The following UNC5C variants were observed in gnomAD, a reference collection of about 807,000 sequenced individuals.
UNC5C encodes netrin receptor UNC5C.
A neutral mutation model predicts 99.8 loss-of-function variants in UNC5C; 47 were observed. The observed-to-expected ratio is 0.47, with a 90% confidence interval of 0.37 to 0.60. UNC5C has a LOEUF of 0.60. Ranked by LOEUF, UNC5C falls within the 20% of genes least tolerant of loss-of-function variation. The pLI is 0.00. For synonymous variants in UNC5C, 487 were observed against 452.2 expected, an observed-to-expected ratio of 1.08 and a Z score of -0.98; for missense variants, 1,062 against 1,165.9, an observed-to-expected ratio of 0.91 and a Z score of 1.30.
intron 1 of UNC5C, among the ~76,000 whole-genome samples, chr4:95,537,853 G>T (rs1282641735): frequency 6.6e-6 from 1 of 151,992 alleles, no homozygotes; most frequent in African/African-American, 2.4e-5. Flanking sequence ...GTTTGGGGTG[G>T]GGGGAGCGTC....
chr4:95,270,730 C>A (rs1740627677), intron 4 of UNC5C, among the ~76,000 whole-genome samples: 1 of 152,080 alleles, frequency 6.6e-6, no homozygotes, highest in Admixed American at 6.6e-5. Flanking sequence ...AATAAAATAA[C>A]CAAAACCTAA....
intron 14 of UNC5C, among the ~76,000 whole-genome samples, chr4:95,175,742 G>C (rs1052637372): frequency 6.6e-6 from 1 of 151,708 alleles, no homozygotes; most frequent in African/African-American, 2.4e-5. Flanking sequence ...TCTTCTTGAG[G>C]AGTATCTTTG....
chr4:95,285,316 G>A (rs1031255898), intron 3 of UNC5C, among the ~76,000 whole-genome samples: 3 of 152,062 alleles, frequency 2.0e-5, no homozygotes, highest in African/African-American at 2.4e-5. Flanking sequence ...TATTCTAGTG[G>A]AAATCTAAAT....
chr4:95,505,934 A>C (rs1174765922), intron 1 of UNC5C, among the ~76,000 whole-genome samples: 1 of 152,062 alleles, frequency 6.6e-6, no homozygotes, highest in Non-Finnish European at 1.5e-5. Flanking sequence ...ACTCATTTCA[A>C]GGGTAAAGAG....
chr4:95,519,540 A>G (rs1025168804), intron 1 of UNC5C, among the ~76,000 whole-genome samples: 2 of 152,164 alleles, frequency 1.3e-5, no homozygotes, highest in Non-Finnish European at 2.9e-5. Context: ...CACATTTAAA[A>G]AAAAAAAACA....
chr4:95,283,068 T>A (rs1741118434), intron 3 of UNC5C, among the ~76,000 whole-genome samples: 1 of 152,256 alleles, frequency 6.6e-6, no homozygotes, highest in African/African-American at 2.4e-5. Flanking sequence ...CTACTACTCT[T>A]TTCCAAAATT....
intron 1 of UNC5C, among the ~76,000 whole-genome samples, chr4:95,499,635 G>A (rs917455776): frequency 6.6e-6 from 1 of 152,018 alleles, no homozygotes; most frequent in African/African-American, 2.4e-5. Context: ...GTTGTGGGGA[G>A]AAAAAGGGAG....
In UNC5C at chr4:95,169,253, G is replaced by A; in HGVS notation, c.2777C>T (p.Ala926Val). 2 of 1,614,100 alleles carry A rather than the reference G, an allele frequency of 1.2e-6. No individual in the cohort carries two copies. The highest frequency in any genetic ancestry group is 8.5e-7 in the Non-Finnish European group (1 of 1,180,024). The change falls in exon 16 of 16, where the codon GCA becomes GTA. Residue 926 changes from alanine to valine, a missense_variant. Physicochemically the swap from Ala to Val is moderately conservative, Grantham distance 64. Coordinates refer to ENST00000453304, the MANE Select transcript of UNC5C (RefSeq NM_003728.4). ...TGGTGGTTAATACTGCCCTTCTGCTGCTAAGGACACCACCGTTTCATGTCT... is the reference window on the plus strand; with the variant it reads ...TGGTGGTTAATACTGCCCTTCTGCTACTAAGGACACCACCGTTTCATGTCT... ...MGRHETVVSLAAEGQY is the reference protein window; with the variant it reads ...MGRHETVVSLVAEGQY
At chr4:95,548,533 T>C (rs1225516417) in intron 1 of UNC5C, among the ~76,000 whole-genome samples, 1 of 151,884 alleles carries the variant, frequency 6.6e-6, no homozygotes, top group Non-Finnish European at 1.5e-5. Context: ...TCTCAGAAGA[T>C]AGATTAAACA....
chr4:95,488,227 T>C (rs1013521559), intron 1 of UNC5C, among the ~76,000 whole-genome samples: 1 of 151,728 alleles, frequency 6.6e-6, no homozygotes, highest in African/African-American at 2.4e-5. Flanking sequence ...ATTCTTTGAA[T>C]ATAAGTAGAT....
At chr4:95,515,518 T>C (rs182922783) in intron 1 of UNC5C, among the ~76,000 whole-genome samples, 14 of 152,320 alleles carry the variant, frequency 9.2e-5, no homozygotes, top group Admixed American at 5.2e-4. Flanking sequence ...TTTTCCTTAG[T>C]GAGCCTCAGT....
chr4:95,411,242 A>T (rs1745978911), intron 1 of UNC5C, among the ~76,000 whole-genome samples: 1 of 152,230 alleles, frequency 6.6e-6, no homozygotes, highest in East Asian at 1.9e-4. Context: ...TCTGCCTGAA[A>T]CGTCTTTATT....
chr4:95,291,216 A>C (rs994916412), intron 3 of UNC5C, among the ~76,000 whole-genome samples: 1 of 152,184 alleles, frequency 6.6e-6, no homozygotes, highest in African/African-American at 2.4e-5. Context: ...CTTTAGTTTC[A>C]GAAAAAAAAT....
intron 1 of UNC5C, among the ~76,000 whole-genome samples, chr4:95,403,524 A>G (rs1745755459): frequency 6.6e-6 from 1 of 152,220 alleles, no homozygotes; most frequent in African/African-American, 2.4e-5. Flanking sequence ...TATTTCTGCT[A>G]CTTTTCAAAA....
At chr4:95,248,651 C>T (rs1739586285) in intron 5 of UNC5C, 1 of 443,608 alleles carries the variant, frequency 2.3e-6, no homozygotes, top group Admixed American at 2.5e-5. Context: ...TGCCAAGTGG[C>T]ATATTTTGGG....
At chr4:95,180,188 T>G (rs138391244) in intron 14 of UNC5C, among the ~76,000 whole-genome samples, 36 of 152,326 alleles carry the variant, frequency 2.4e-4, no homozygotes, top group African/African-American at 8.2e-4. Context: ...CAAGATAATA[T>G]TCTATACCAA....
chr4:95,166,406 G>A lies in UNC5C; in HGVS notation c.*2828C>T, dbSNP rs2149341508. On this transcript the variant is annotated 3_prime_UTR_variant, in exon 16 of 16. Transcript: ENST00000453304. Reference sequence around the variant, plus strand: ...CTTAATAGGAAACATTAAGGGTTCTGACAGATGAGTACCTCACACACGAAA... The same window carrying A: ...CTTAATAGGAAACATTAAGGGTTCTAACAGATGAGTACCTCACACACGAAA... 1 of 152,328 alleles carries A rather than the reference G, an allele frequency of 6.6e-6. No homozygotes were observed. Among genetic ancestry groups the A allele is most frequent in the Middle Eastern group, 3.4e-3 (1 of 294 alleles). 9.4% of individuals were successfully genotyped at this position (152,328 alleles called of 1,614,324 possible).
At chr4:95,189,850 G>A (rs1305705851) in intron 12 of UNC5C, among the ~76,000 whole-genome samples, 5 of 152,186 alleles carry the variant, frequency 3.3e-5, no homozygotes, top group Admixed American at 2.6e-4. Context: ...AACAGGTGCT[G>A]GAGAGGATGT....
At chr4:95,177,408 CG>C (rs33953286) in intron 14 of UNC5C, among the ~76,000 whole-genome samples, 85,344 of 151,886 alleles carry the variant, frequency 0.56, 24,233 homozygotes, top group Middle Eastern at 0.69. Context: ...TCACCCAGAG[CG>C]CCCCCCATAT....
Sources: allele counts gnomAD v4.1 joint callset (sites outside exome capture counted in the v4.1 genomes callset), GRCh38; gene constraint gnomAD v4.1.1; transcripts MANE v1.5; gene names NCBI Gene and HGNC (gene_info 2026-07-23, HGNC 2026-07-21).